The following DPP6 variants were observed in gnomAD, a reference collection of about 807,000 sequenced individuals.
DPP6 encodes the protein dipeptidyl peptidase like 6.
A neutral mutation model predicts 122.6 loss-of-function variants in DPP6; 69 were observed. The ratio of observed to expected loss-of-function variants is 0.56; its 90% confidence interval spans 0.46 to 0.69. DPP6 has a LOEUF of 0.69. DPP6 is among the 30% of genes least tolerant of loss of function. The pLI is 0.00. For missense variants in DPP6, 928 were observed against 1,116.9 expected, an observed-to-expected ratio of 0.83 and a Z score of 2.41; for synonymous variants, 418 against 433.1, an observed-to-expected ratio of 0.97 and a Z score of 0.43.
At chr7:154,738,670 A>C (rs993931880) in intron 8 of DPP6, among the ~76,000 whole-genome samples, 4 of 152,240 alleles carry the variant, frequency 2.6e-5, no homozygotes, top group African/African-American at 9.6e-5. Flanking sequence ...GACAGCAGCT[A>C]GGGGTCCTGC....
chr7:153,937,399 A>G (rs1019584900), intron 1 of DPP6, among the ~76,000 whole-genome samples: 1 of 145,776 alleles, frequency 6.9e-6, no homozygotes, highest in African/African-American at 2.6e-5. Context: ...CCTTTCTTCA[A>G]TTTGTTCTTT....
intron 1 of DPP6, among the ~76,000 whole-genome samples, chr7:154,064,526 A>G (rs1287120611): frequency 6.6e-6 from 1 of 152,144 alleles, no homozygotes; most frequent in Non-Finnish European, 1.5e-5. Flanking sequence ...CACTACCTCT[A>G]CTAAAGTAAC....
chr7:154,294,911 C>T (rs546364587), intron 1 of DPP6, among the ~76,000 whole-genome samples: 84 of 152,256 alleles, frequency 5.5e-4, no homozygotes, highest in Middle Eastern at 3.4e-3. Flanking sequence ...CACCTGGAGC[C>T]GTTAAAAAAA....
chr7:154,859,320 G>A (rs1016564483), intron 17 of DPP6, among the ~76,000 whole-genome samples: 5 of 152,266 alleles, frequency 3.3e-5, no homozygotes, highest in African/African-American at 1.2e-4. Flanking sequence ...AGCTGGGCAG[G>A]GCAAGACAGG....
chr7:154,019,605 A>G (rs984771605), intron 1 of DPP6, among the ~76,000 whole-genome samples: 2 of 152,190 alleles, frequency 1.3e-5, no homozygotes, highest in Non-Finnish European at 2.9e-5. Context: ...TTACGAAGCA[A>G]GGAGCACATA....
At chr7:154,390,641 T>C (rs1455920219) in intron 1 of DPP6, among the ~76,000 whole-genome samples, 1 of 151,924 alleles carries the variant, frequency 6.6e-6, no homozygotes, top group African/African-American at 2.4e-5. Flanking sequence ...CCAGGCAGAG[T>C]GTGGAACCTG....
intron 1 of DPP6, among the ~76,000 whole-genome samples, chr7:154,444,943 A>G (rs1187781616): frequency 6.6e-6 from 1 of 152,220 alleles, no homozygotes; most frequent in Admixed American, 6.5e-5. Flanking sequence ...ATAGATGGCA[A>G]ATATGAAGAC....
At chr7:154,687,609 T>C (rs1839695067) in intron 7 of DPP6, among the ~76,000 whole-genome samples, 2 of 152,210 alleles carry the variant, frequency 1.3e-5, no homozygotes, top group South Asian at 2.1e-4. Flanking sequence ...TATTTGTCAA[T>C]TACATTATTT....
chr7:154,176,716 C>G (rs1214908362), intron 1 of DPP6, among the ~76,000 whole-genome samples: 1 of 152,242 alleles, frequency 6.6e-6, no homozygotes, highest in Non-Finnish European at 1.5e-5. Context: ...ACCTGCGTGG[C>G]CTGCCTTGCC....
chr7:154,016,413 T>C (rs889875297), intron 1 of DPP6, among the ~76,000 whole-genome samples: 11 of 151,906 alleles, frequency 7.2e-5, no homozygotes, highest in African/African-American at 2.4e-4. Flanking sequence ...TTTTTTTTTT[T>C]CAGAGAAGCC....
At chr7:154,786,911 C>T (rs1384496247) in intron 10 of DPP6, among the ~76,000 whole-genome samples, 1 of 152,188 alleles carries the variant, frequency 6.6e-6, no homozygotes, top group Non-Finnish European at 1.5e-5. Flanking sequence ...CCATGATTCT[C>T]TCTGAGGTTT....
chr7:154,063,003 T>A (rs1170535471), intron 1 of DPP6, among the ~76,000 whole-genome samples: 1 of 134,890 alleles, frequency 7.4e-6, no homozygotes, highest in African/African-American at 2.7e-5. Context: ...CCAGTCCCTC[T>A]TCCCCCCCTG....
In DPP6 at chr7:154,481,346, GGT is replaced by G. The variant is rs1554564239; in HGVS notation, c.457+6336_457+6337del. Among the ~76,000 whole-genome samples, 1 of 148,056 alleles carries G rather than the reference GGT, an allele frequency of 6.8e-6. No individual in the cohort carries two copies. The highest frequency in any genetic ancestry group is 6.8e-5 in the Admixed American group (1 of 14,724). On this transcript the variant is annotated intron_variant, in intron 3 of 25. Transcript: ENST00000377770. This position sits in a 1 kb window ranked among gnomAD's most constrained non-coding sequence, Gnocchi z 4.2. ...ATACACTTGGAGAGAGAGAGAGAGG[GGT>G]GTGTGTGTGTGTGTGTGTGTGTGTG... is the stretch of plus-strand genomic sequence containing the variant.
intron 1 of DPP6, among the ~76,000 whole-genome samples, chr7:153,889,004 A>C (rs1347079438): frequency 6.6e-6 from 1 of 152,128 alleles, no homozygotes; most frequent in African/African-American, 2.4e-5. Flanking sequence ...AGCTGGCTTA[A>C]CCACACCCAC....
intron 1 of DPP6, among the ~76,000 whole-genome samples, chr7:154,065,790 C>A (rs141671020): frequency 0.02 from 2,982 of 151,860 alleles, 48 homozygotes; most frequent in African/African-American, 0.039. Flanking sequence ...CTCAGGTTTT[C>A]CTCAGGGACT....
intron 1 of DPP6, among the ~76,000 whole-genome samples, chr7:154,416,279 A>G (rs1817007053): frequency 6.6e-6 from 1 of 152,106 alleles, no homozygotes; most frequent in Admixed American, 6.6e-5. Flanking sequence ...ATGATTCAGG[A>G]TCACCCAAGC....
chr7:153,802,804 T>A, the DPP6 span, among the ~76,000 whole-genome samples: 1 of 152,172 alleles, frequency 6.6e-6, no homozygotes, highest in Admixed American at 6.5e-5. Flanking sequence ...AGAAGCATGT[T>A]TAATGTGTCA....
chr7:154,608,112 T>A (rs1833673046), intron 5 of DPP6, among the ~76,000 whole-genome samples: 1 of 148,152 alleles, frequency 6.7e-6, no homozygotes, highest in Non-Finnish European at 1.5e-5. Flanking sequence ...CCCAAGTAGC[T>A]GGGATTACAG....
At chr7:154,362,769 C>T (rs1811838137) in intron 1 of DPP6, among the ~76,000 whole-genome samples, 1 of 152,088 alleles carries the variant, frequency 6.6e-6, no homozygotes, top group Admixed American at 6.5e-5. Context: ...CCTGAGCCAA[C>T]CTTGCACTCT....
Sources: allele counts gnomAD v4.1 joint callset (sites outside exome capture counted in the v4.1 genomes callset), GRCh38; gene constraint gnomAD v4.1.1; non-coding constraint Gnocchi (gnomAD v3.1); transcripts MANE v1.5; gene names NCBI Gene and HGNC (gene_info 2026-07-23, HGNC 2026-07-21).